The following ERC2 variants were observed in gnomAD, a reference collection of about 807,000 sequenced individuals.
The protein encoded by ERC2 is ELKS/RAB6-interacting/CAST family member 2.
Under a neutral mutation model 114.8 loss-of-function variants are expected in ERC2, and 42 were observed. That is an observed-to-expected ratio of 0.37 (90% CI 0.29 to 0.47). ERC2 has a LOEUF of 0.47. Ranked by LOEUF, ERC2 falls within the 20% of genes least tolerant of loss-of-function variation. The probability of loss-of-function intolerance (pLI) is 0.99; values close to 1 mark genes in which losing one functional copy is unlikely to be tolerated. For missense variants in ERC2, 939 were observed against 1,150.7 expected, an observed-to-expected ratio of 0.82 and a Z score of 2.66; for synonymous variants, 454 against 425.5, an observed-to-expected ratio of 1.07 and a Z score of -0.82.
At chr3:55,864,909 A>G (rs1468972871) in intron 14 of ERC2, among the ~76,000 whole-genome samples, 2 of 152,080 alleles carry the variant, frequency 1.3e-5, no homozygotes, top group African/African-American at 4.8e-5. Flanking sequence ...ATTGTTGTCC[A>G]TCACCACTAC....
chr3:56,298,506 T>C (rs182352232), intron 2 of ERC2, among the ~76,000 whole-genome samples: 38 of 152,226 alleles, frequency 2.5e-4, no homozygotes, highest in Admixed American at 2.5e-3. Flanking sequence ...ATCTAGTATA[T>C]CAATTTAATG....
intron 13 of ERC2, among the ~76,000 whole-genome samples, chr3:55,911,916 G>C (rs1326798463): frequency 6.6e-6 from 1 of 152,084 alleles, no homozygotes; most frequent in Non-Finnish European, 1.5e-5. Context: ...TTTGATTGTG[G>C]GTGCTCTATA....
chr3:55,996,590 T>C (rs904311528), intron 10 of ERC2, among the ~76,000 whole-genome samples: 1 of 152,184 alleles, frequency 6.6e-6, no homozygotes, highest in African/African-American at 2.4e-5. Flanking sequence ...ACTACATCAG[T>C]AAGTTTTGAG....
At chr3:56,111,586 A>T (rs981956820) in intron 6 of ERC2, among the ~76,000 whole-genome samples, 1 of 152,160 alleles carries the variant, frequency 6.6e-6, no homozygotes, top group Non-Finnish European at 1.5e-5. Context: ...TTACAGCAGC[A>T]CCCACACAAG....
chr3:55,699,974 A>G (rs1240859291), intron 15 of ERC2, among the ~76,000 whole-genome samples: 1 of 152,240 alleles, frequency 6.6e-6, no homozygotes, highest in Non-Finnish European at 1.5e-5. Flanking sequence ...AAGACAAGGC[A>G]GAAAAATCCA....
Position 56,080,995 on chromosome 3 carries a change from G to A in ERC2, c.1474-11C>T, listed in dbSNP as rs1256025742. The A allele has an allele frequency of 1.2e-6, 2 of 1,608,396 alleles. No individual in the cohort carries two copies. Among genetic ancestry groups the A allele is most frequent in the Admixed American group, 1.7e-5 (1 of 58,806 alleles). On this transcript the variant is annotated splice_polypyrimidine_tract_variant and intron_variant, in intron 6 of 17. Transcript: ENST00000288221. Reference sequence around the variant, plus strand: ...TCTCAGCGCATCTACCTGAAATCAGGAAAAAGACAGAAGGTTGTGGTTTTA... The same window carrying A: ...TCTCAGCGCATCTACCTGAAATCAGAAAAAAGACAGAAGGTTGTGGTTTTA...
At chr3:56,261,340 G>A (rs1576145932) in intron 3 of ERC2, among the ~76,000 whole-genome samples, 1 of 150,736 alleles carries the variant, frequency 6.6e-6, no homozygotes, top group Non-Finnish European at 1.5e-5. Context: ...ATAAGGATAC[G>A]TACACTATCT....
chr3:56,019,767 C>T (rs2073572273), intron 7 of ERC2, among the ~76,000 whole-genome samples: 1 of 152,186 alleles, frequency 6.6e-6, no homozygotes, highest in Non-Finnish European at 1.5e-5. Context: ...AGGACTTTCT[C>T]CTGGGCATTG....
chr3:56,465,994 G>A (rs562496597), intron 1 of ERC2, among the ~76,000 whole-genome samples: 2 of 152,316 alleles, frequency 1.3e-5, no homozygotes, highest in Middle Eastern at 3.4e-3. Context: ...AGACGAACCC[G>A]GGCTCAGGTT....
chr3:56,447,362 GATTTATAT>G (rs1274588026), intron 1 of ERC2, among the ~76,000 whole-genome samples: 1 of 152,222 alleles, frequency 6.6e-6, no homozygotes, highest in Non-Finnish European at 1.5e-5. Flanking sequence ...TTGGATGTGG[GATTTATAT>G]CCATATCCCG....
At chr3:56,260,959 A>G (rs367988156) in intron 3 of ERC2, among the ~76,000 whole-genome samples, 79 of 152,298 alleles carry the variant, frequency 5.2e-4, no homozygotes, top group African/African-American at 1.8e-3. Flanking sequence ...CTCTATTGGT[A>G]TTCTCGACAA....
At chr3:55,846,892 G>A (rs1453137779) in intron 14 of ERC2, among the ~76,000 whole-genome samples, 3 of 152,170 alleles carry the variant, frequency 2.0e-5, no homozygotes, top group Non-Finnish European at 4.4e-5. Flanking sequence ...AGGGTAAATG[G>A]CAAAGCACAA....
intron 14 of ERC2, among the ~76,000 whole-genome samples, chr3:55,789,814 A>G (rs1296786373): frequency 6.6e-6 from 1 of 152,198 alleles, no homozygotes; most frequent in Non-Finnish European, 1.5e-5. Flanking sequence ...AGAGTTCCAG[A>G]GCCATCATCT....
At chr3:55,812,511 T>A (rs2059757422) in intron 14 of ERC2, among the ~76,000 whole-genome samples, 1 of 152,112 alleles carries the variant, frequency 6.6e-6, no homozygotes, top group Non-Finnish European at 1.5e-5. Flanking sequence ...CAATAGAGAA[T>A]AAGAGAGTCA....
At chr3:55,664,592 C>T (rs17055665) in intron 17 of ERC2, among the ~76,000 whole-genome samples, 9,030 of 152,130 alleles carry the variant, frequency 0.059, 902 homozygotes, top group African/African-American at 0.21. Flanking sequence ...CGCCTTTGAT[C>T]AGGAGGTAGA....
At chr3:55,520,200 C>T (rs2107194913) in intron 17 of ERC2, among the ~76,000 whole-genome samples, 1 of 152,198 alleles carries the variant, frequency 6.6e-6, no homozygotes, top group East Asian at 1.9e-4. Context: ...CACCTGTAAT[C>T]CTAGCACTTT....
chr3:55,572,475 C>T (rs2056767885), intron 17 of ERC2, among the ~76,000 whole-genome samples: 1 of 152,206 alleles, frequency 6.6e-6, no homozygotes, highest in South Asian at 2.1e-4. Flanking sequence ...TAAATAACAC[C>T]AGGGGCCATT....
At chr3:56,033,050 AAGAAAGAAAG>A (rs2074563700) in intron 7 of ERC2, among the ~76,000 whole-genome samples, 10 of 106,906 alleles carry the variant, frequency 9.4e-5, no homozygotes, top group Non-Finnish European at 1.8e-4. Context: ...GAAAGAAAGA[AAGAAAGAAAG>A]AAAGAAAGAA....
intron 3 of ERC2, among the ~76,000 whole-genome samples, chr3:56,241,944 T>C (rs368237724): frequency 1.3e-4 from 20 of 152,186 alleles, no homozygotes; most frequent in East Asian, 3.9e-4. Context: ...GCTGTTTCCA[T>C]GCTACAATGG....
Sources: gnomAD v4.1 joint callset for allele counts (sites outside exome capture counted in the v4.1 genomes callset) on GRCh38, gnomAD v4.1.1 for gene constraint, MANE v1.5 for transcripts, NCBI Gene and HGNC (gene_info 2026-07-23, HGNC 2026-07-21) for gene names.